Variants in CCDC178 observed in about 807,000 individuals in gnomAD.
CCDC178 encodes coiled-coil domain containing 178, also known as coiled-coil domain-containing protein 178.
A neutral mutation model predicts 117.4 loss-of-function variants in CCDC178; 126 were observed. The observed-to-expected ratio is 1.07, with a 90% CI of 0.93 to 1.24. The LOEUF is 1.24. CCDC178 is among the 50% of genes most tolerant of loss of function. CCDC178 has a pLI of 0.00. For missense variants in CCDC178, 1,030 were observed against 986.9 expected, an observed-to-expected ratio of 1.04 and a Z score of -0.59; for synonymous variants, 283 against 313.4, an observed-to-expected ratio of 0.90 and a Z score of 1.02.
chr18:33,256,426 C>G (rs2059680837), intron 14 of CCDC178, among the ~76,000 whole-genome samples: 2 of 151,946 alleles, frequency 1.3e-5, no homozygotes, highest in Non-Finnish European at 2.9e-5. Context: ...ATTATTTATC[C>G]CTTGGTATCT....
chr18:33,231,973 T>C (rs1260774265), intron 15 of CCDC178, among the ~76,000 whole-genome samples: 2 of 152,178 alleles, frequency 1.3e-5, no homozygotes, highest in Admixed American at 1.3e-4. Flanking sequence ...AGAACAGAGA[T>C]GGCAAACTTT....
chr18:33,136,598 T>C (rs1364469816), intron 20 of CCDC178, among the ~76,000 whole-genome samples: 2 of 152,158 alleles, frequency 1.3e-5, no homozygotes, highest in African/African-American at 4.8e-5. Flanking sequence ...GGATGAAGAC[T>C]TGGGGTCATA....
At chr18:33,133,724 T>G (rs751160637) in intron 20 of CCDC178, among the ~76,000 whole-genome samples, 1 of 151,988 alleles carries the variant, frequency 6.6e-6, no homozygotes, top group African/African-American at 2.4e-5. Context: ...TTTTGCTTAG[T>G]GTATTTAAAT....
intron 2 of CCDC178, among the ~76,000 whole-genome samples, chr18:33,419,933 C>A (rs1292489795): frequency 2.6e-5 from 4 of 151,158 alleles, no homozygotes; most frequent in African/African-American, 9.7e-5. Flanking sequence ...TTTCACCAAT[C>A]TCATGATTGC....
intron 20 of CCDC178, among the ~76,000 whole-genome samples, chr18:33,126,997 AATAT>A (rs1555647860): frequency 3.5e-5 from 5 of 141,184 alleles, no homozygotes; most frequent in Admixed American, 7.1e-5. Context: ...AAAAAAAAAA[AATAT>A]ATATATATAT....
rs140786565 is a variant in CCDC178 at position 33,332,030 on chromosome 18, T to G, written c.879+1144A>C. On this transcript the variant is annotated intron_variant, in intron 10 of 22. Transcript: ENST00000383096. Reference sequence around the variant, plus strand: ...AAGTAATTACATTGTGAAATATCTATCTGATGGAACATTGTAAGTAAAATG... The same window carrying G: ...AAGTAATTACATTGTGAAATATCTAGCTGATGGAACATTGTAAGTAAAATG... Among the ~76,000 whole-genome samples the G allele has an allele frequency of 1.9e-3, 283 of 152,314 alleles. 1 individual carries two copies. Among genetic ancestry groups the G allele is most frequent in the African/African-American group, 6.4e-3 (268 of 41,578 alleles).
At chr18:33,297,478 T>C (rs1245338682) in intron 11 of CCDC178, among the ~76,000 whole-genome samples, 1 of 151,824 alleles carries the variant, frequency 6.6e-6, no homozygotes, top group East Asian at 1.9e-4. Context: ...AAATCACAAA[T>C]GAAAAACGAG....
intron 20 of CCDC178, among the ~76,000 whole-genome samples, chr18:33,139,795 G>C (rs572115550): frequency 5.2e-4 from 79 of 152,308 alleles, no homozygotes; most frequent in Middle Eastern, 3.4e-3. Context: ...CAAGCCTGCT[G>C]CAGAAATTTG....
chr18:33,328,082 G>GT lies in CCDC178; in HGVS notation c.880-4450_880-4449insA, dbSNP rs2062609334. ...CCAAGGTCATAAAGATTTATCCCTA[G>GT]ATTTTTTTTTTTTTTTTTTTTTTTT... On this transcript the variant is annotated intron_variant, in intron 10 of 22. Transcript: ENST00000383096. The GT allele has an allele frequency of 5.6e-5, 14 of 249,106 alleles. 3 individuals are homozygous for GT. Among genetic ancestry groups the GT allele is most frequent in the African/African-American group, 3.3e-4 (10 of 30,432 alleles). 15.4% of individuals were successfully genotyped at this position (249,106 alleles called of 1,614,324 possible). A position where few individuals can be genotyped will look rare whatever the true frequency, so the allele number is the denominator to read the frequency against.
chr18:33,161,300 T>C (rs1326759682), intron 20 of CCDC178, among the ~76,000 whole-genome samples: 1 of 152,058 alleles, frequency 6.6e-6, no homozygotes, highest in East Asian at 1.9e-4. Flanking sequence ...CTGTGCCCAA[T>C]TTCCACTTCA....
intron 12 of CCDC178, 27 bp downstream of exon 12, chr18:33,293,130 ATT>A: frequency 6.9e-7 from 1 of 1,446,942 alleles, no homozygotes; most frequent in Middle Eastern, 2.1e-4. Flanking sequence ...AAAAATCAGT[ATT>A]TTTTATTTCT....
At chr18:33,297,694 C>G (rs1349111435) in intron 11 of CCDC178, among the ~76,000 whole-genome samples, 2 of 152,010 alleles carry the variant, frequency 1.3e-5, no homozygotes, top group Non-Finnish European at 2.9e-5. Context: ...AGTCTTCCCC[C>G]CAAAAAATCC....
At chr18:33,170,606 G>T (rs1341481419) in intron 20 of CCDC178, among the ~76,000 whole-genome samples, 1 of 151,794 alleles carries the variant, frequency 6.6e-6, no homozygotes, top group Non-Finnish European at 1.5e-5. Context: ...TTGGTTAATA[G>T]AAAAATAATG....
intron 21 of CCDC178, among the ~76,000 whole-genome samples, chr18:32,995,616 CT>C (rs1365226957): frequency 6.6e-6 from 1 of 152,042 alleles, no homozygotes; most frequent in Non-Finnish European, 1.5e-5. Flanking sequence ...TTAATGAATG[CT>C]TTTTGCCATA....
chr18:33,342,292 A>T (rs531491725), intron 9 of CCDC178, among the ~76,000 whole-genome samples: 2 of 152,334 alleles, frequency 1.3e-5, no homozygotes, highest in South Asian at 4.1e-4. Flanking sequence ...ACAATTGAAG[A>T]TGAGATTACT....
intron 5 of CCDC178, among the ~76,000 whole-genome samples, chr18:33,371,740 T>C (rs2063302936): frequency 6.6e-6 from 1 of 151,464 alleles, no homozygotes; most frequent in Admixed American, 6.6e-5. Context: ...AACTATTTTT[T>C]GTATGTTACA....
intron 20 of CCDC178, among the ~76,000 whole-genome samples, chr18:33,204,232 T>C (rs1157202267): frequency 6.6e-6 from 1 of 152,124 alleles, no homozygotes; most frequent in South Asian, 2.1e-4. Context: ...CAAGATTAAA[T>C]ATTTCATATT....
chr18:33,057,636 T>G (rs1439421866), intron 21 of CCDC178, among the ~76,000 whole-genome samples: 1 of 151,998 alleles, frequency 6.6e-6, no homozygotes, highest in Non-Finnish European at 1.5e-5. Flanking sequence ...GGATTACAGG[T>G]GTCCACCACT....
intron 21 of CCDC178, among the ~76,000 whole-genome samples, chr18:33,092,469 A>G (rs1162287261): frequency 6.6e-6 from 1 of 152,104 alleles, no homozygotes; most frequent in African/African-American, 2.4e-5. Context: ...TATAAAGACT[A>G]TGATAATATA....
Sources: allele counts gnomAD v4.1 joint callset (sites outside exome capture counted in the v4.1 genomes callset), GRCh38; gene constraint gnomAD v4.1.1; transcripts MANE v1.5; gene names NCBI Gene and HGNC (gene_info 2026-07-23, HGNC 2026-07-21).